EIPR1: variants seen among roughly 807,000 people sequenced by gnomAD.
EIPR1 encodes EARP complex and GARP complex interacting protein 1.
A neutral mutation model predicts 48.1 loss-of-function variants in EIPR1; 25 were observed. The ratio of observed to expected loss-of-function variants is 0.52; its 90% CI spans 0.38 to 0.73. The LOEUF (loss-of-function observed/expected upper bound fraction) is 0.73. EIPR1 is among the 30% of genes least tolerant of loss of function. EIPR1 has a pLI of 0.00. For missense variants in EIPR1, 415 were observed against 506.2 expected (o/e 0.82, Z 1.73); for synonymous variants, 204 against 201.9 (o/e 1.01, Z -0.09).
chr2:3,248,048 G>A (rs1308708468), intron 4 of EIPR1, among the ~76,000 whole-genome samples: 3 of 152,086 alleles, frequency 2.0e-5, no homozygotes, highest in East Asian at 1.9e-4. Flanking sequence ...GGCCTGGTGG[G>A]AGGTATTGGG....
At chr2:3,331,035 C>T (rs1212838133) in intron 3 of EIPR1, among the ~76,000 whole-genome samples, 3 of 125,938 alleles carry the variant, frequency 2.4e-5, no homozygotes, top group African/African-American at 3.4e-5. Context: ...CAGAGGCAGG[C>T]ATGTGTACAC....
intron 3 of EIPR1, among the ~76,000 whole-genome samples, chr2:3,332,482 C>T (rs1211626643): frequency 1.3e-5 from 2 of 152,244 alleles, no homozygotes; most frequent in Admixed American, 6.5e-5. Flanking sequence ...GAAGGTTGTG[C>T]TGTTATTTGC....
chr2:3,214,327 T>C (rs555394040), intron 4 of EIPR1, 79 bp from the exon 5 acceptor site: 248 of 1,319,124 alleles, frequency 1.9e-4, no homozygotes, highest in Non-Finnish European at 2.5e-4. Context: ...GTGATACATG[T>C]TCTTCATGAC....
intron 4 of EIPR1, among the ~76,000 whole-genome samples, chr2:3,220,151 T>C (rs944549581): frequency 2.0e-5 from 3 of 152,286 alleles, no homozygotes; most frequent in South Asian, 2.1e-4. Context: ...AAAATTGTCT[T>C]CCACGAAACT....
At chr2:3,253,831 C>T (rs1056025401) in intron 4 of EIPR1, among the ~76,000 whole-genome samples, 1 of 152,148 alleles carries the variant, frequency 6.6e-6, no homozygotes, top group African/African-American at 2.4e-5. Flanking sequence ...GAAATTAGGA[C>T]ATCAGATTGC....
chr2:3,290,859 C>T (rs1361249043), intron 3 of EIPR1, among the ~76,000 whole-genome samples: 2 of 152,200 alleles, frequency 1.3e-5, no homozygotes, highest in South Asian at 2.1e-4. Context: ...ACACAGACAG[C>T]GCTTCCATCA....
chr2:3,308,975 C>A (rs1212751731), intron 3 of EIPR1, among the ~76,000 whole-genome samples: 1 of 152,058 alleles, frequency 6.6e-6, no homozygotes, highest in Non-Finnish European at 1.5e-5. Context: ...GACCTACCCT[C>A]AAAGGATGGA....
intron 4 of EIPR1, among the ~76,000 whole-genome samples, chr2:3,244,133 G>A (rs1666723793): frequency 6.6e-6 from 1 of 152,204 alleles, no homozygotes; most frequent in African/African-American, 2.4e-5. Context: ...GGACTTCCAG[G>A]GAAACGTTAA....
chr2:3,291,089 C>T (rs1020694347), intron 3 of EIPR1, among the ~76,000 whole-genome samples: 7 of 152,182 alleles, frequency 4.6e-5, no homozygotes, highest in Admixed American at 2.0e-4. Flanking sequence ...GAGGATACCC[C>T]GAGGAACATG....
intron 5 of EIPR1, among the ~76,000 whole-genome samples, chr2:3,200,642 T>G (rs1664998299): frequency 1.4e-5 from 2 of 143,276 alleles, no homozygotes; most frequent in African/African-American, 2.6e-5. Context: ...AACTGAAAGG[T>G]GGACACAGGG....
rs1451582787 is a variant in EIPR1, at chr2:3,286,499, C to T, written c.260-29044G>A. On this transcript the variant is annotated intron_variant, in intron 3 of 8. Transcript: ENST00000382125. This position sits in a 1 kb window ranked among gnomAD's most constrained non-coding sequence, Gnocchi z 4.2. The stretch of plus-strand genomic sequence containing the variant: ...TGGGAAGACCGAGAGGTGAGGGACA[C>T]TTGGTGTCCGTGACAGGGAAAGGCT... Among the ~76,000 whole-genome samples the T allele has an allele frequency of 6.6e-6, 1 of 152,228 alleles. No homozygotes were observed. Among genetic ancestry groups the T allele is most frequent in the African/African-American group, 2.4e-5 (1 of 41,464 alleles).
intron 4 of EIPR1, among the ~76,000 whole-genome samples, chr2:3,234,393 GAGTCCCCA>G (rs1666333098): frequency 6.6e-6 from 1 of 152,180 alleles, no homozygotes; most frequent in Non-Finnish European, 1.5e-5. Context: ...CAACAGGCAA[GAGTCCCCA>G]AGAGCAGGCA....
chr2:3,304,903 C>T (rs1307942695), intron 3 of EIPR1, among the ~76,000 whole-genome samples: 1 of 150,020 alleles, frequency 6.7e-6, no homozygotes, highest in Non-Finnish European at 1.5e-5. Context: ...TTCAACCCTC[C>T]AATCCCGTCC....
chr2:3,288,795 G>C (rs866536227), intron 3 of EIPR1, among the ~76,000 whole-genome samples: 2 of 152,204 alleles, frequency 1.3e-5, no homozygotes, highest in South Asian at 4.1e-4. Context: ...CGCGCAGCAC[G>C]CAGCAGCCAT....
At chr2:3,203,825 G>GC (rs1665132043) in intron 5 of EIPR1, among the ~76,000 whole-genome samples, 2 of 152,252 alleles carry the variant, frequency 1.3e-5, no homozygotes, top group Non-Finnish European at 2.9e-5. Flanking sequence ...ACGGCCAGGA[G>GC]CTGAGGGCGG....
At position 3,196,994 on chromosome 2, in the gene EIPR1, T is replaced by C; in HGVS notation, c.540A>G (p.Glu180=). The C allele has an allele frequency of 1.9e-6, 3 of 1,613,924 alleles. No homozygotes were observed. Among genetic ancestry groups the C allele is most frequent in the Non-Finnish European group, 2.5e-6 (3 of 1,180,020 alleles). ...AGGTGAACTTCAGTTGTCCCTTCCC[T>C]TCCAGGGACGCTGAGCTGGCCAGCT... The part of the protein sequence containing the change: ...QAVLASSASL[E]GKGQLKFTSG... Residue 180 remains glutamate (E), a synonymous_variant, in exon 6 of 9, where the codon GAA becomes GAG. Transcript: ENST00000382125.
chr2:3,245,194 C>T (rs959620987), intron 4 of EIPR1, among the ~76,000 whole-genome samples: 9 of 28,666 alleles, frequency 3.1e-4, no homozygotes, highest in African/African-American at 1.3e-3. Flanking sequence ...TTTACCGTTG[C>T]GTTGCGTTGC....
chr2:3,314,247 A>ACAG (rs1010603438), intron 3 of EIPR1, among the ~76,000 whole-genome samples: 1 of 152,184 alleles, frequency 6.6e-6, no homozygotes, highest in African/African-American at 2.4e-5. Context: ...GTTCCCAAGT[A>ACAG]CAGAGGCAGG....
intron 4 of EIPR1, among the ~76,000 whole-genome samples, chr2:3,225,871 C>T (rs970907537): frequency 1.6e-4 from 25 of 152,276 alleles, no homozygotes; most frequent in African/African-American, 6.0e-4. Context: ...TTTCAGACTC[C>T]ACAGGTGAGA....
Sources: allele counts gnomAD v4.1 joint callset (sites outside exome capture counted in the v4.1 genomes callset), GRCh38; gene constraint gnomAD v4.1.1; non-coding constraint Gnocchi (gnomAD v3.1); transcripts MANE v1.5; gene names NCBI Gene and HGNC (gene_info 2026-07-23, HGNC 2026-07-21).